The following CACNA2D3 variants were observed in gnomAD, a reference collection of about 807,000 sequenced individuals.
The protein encoded by CACNA2D3 is voltage-dependent calcium channel subunit alpha-2/delta-3.
Under a neutral mutation model 160.6 loss-of-function variants are expected in CACNA2D3, and 60 were observed. That is an observed-to-expected ratio of 0.37 (90% confidence interval 0.30 to 0.46). CACNA2D3 has a LOEUF of 0.46. CACNA2D3 is among the 20% of genes least tolerant of loss of function. The probability of loss-of-function intolerance (pLI) is 1.00; values close to 1 mark genes in which losing one functional copy is unlikely to be tolerated. For missense variants in CACNA2D3, 1,205 were observed against 1,365.0 expected, an observed-to-expected ratio of 0.88 and a Z score of 1.85; for synonymous variants, 558 against 492.9, an observed-to-expected ratio of 1.13 and a Z score of -1.75.
intron 2 of CACNA2D3, among the ~76,000 whole-genome samples, chr3:54,276,990 C>G (rs1051140886): frequency 2.0e-5 from 3 of 152,186 alleles, no homozygotes; most frequent in Admixed American, 2.0e-4. Flanking sequence ...TTGTACATCT[C>G]CAGTTTTCAA....
intron 3 of CACNA2D3, 23 bp from the exon 4 acceptor site, chr3:54,386,692 C>CTTTT: frequency 2.8e-6 from 3 of 1,060,402 alleles, no homozygotes; most frequent in Non-Finnish European, 4.0e-6. Context: ...ATGCTGTCTT[C>CTTTT]TGTTTTTTTT....
At position 54,836,814 on chromosome 3, in the gene CACNA2D3, A is replaced by T. The variant is rs747162730; in HGVS notation, c.1399-345A>T. 2.6e-5 allele frequency among the ~76,000 whole-genome samples: 4 copies of T among 152,334 alleles called. No individual in the cohort carries two copies. In the East Asian group the frequency reaches 5.8e-4, roughly 22 times the overall value. ...TTACGGAGAAGCACTCTTAAGAAAC[A>T]TAAGTGTCTGGGAGGCAAAATAGTA... is the stretch of plus-strand genomic sequence containing the variant. On this transcript the variant is annotated intron_variant, in intron 14 of 37. Coordinates refer to ENST00000474759, the MANE Select transcript of CACNA2D3 (RefSeq NM_018398.3).
At chr3:54,499,224 A>G (rs949383022) in intron 4 of CACNA2D3, among the ~76,000 whole-genome samples, 1 of 152,184 alleles carries the variant, frequency 6.6e-6, no homozygotes, top group Non-Finnish European at 1.5e-5. Flanking sequence ...AGAATTAAGT[A>G]TAATCTCTGT....
intron 8 of CACNA2D3, among the ~76,000 whole-genome samples, chr3:54,579,557 A>G (rs1473288550): frequency 6.6e-6 from 1 of 152,212 alleles, no homozygotes; most frequent in Non-Finnish European, 1.5e-5. Context: ...AGGGCAGCCT[A>G]TGAAAGGTCG....
At chr3:54,605,010 C>G (rs1437679904) in intron 9 of CACNA2D3, among the ~76,000 whole-genome samples, 1 of 152,188 alleles carries the variant, frequency 6.6e-6, no homozygotes, top group Non-Finnish European at 1.5e-5. Flanking sequence ...CAAGCTTCCC[C>G]TGAAACCTGT....
chr3:54,776,507 C>T (rs1433564175), intron 13 of CACNA2D3, among the ~76,000 whole-genome samples: 1 of 151,708 alleles, frequency 6.6e-6, no homozygotes, highest in Admixed American at 6.6e-5. Flanking sequence ...AGAGTGAGAC[C>T]CTGTCTCCAA....
chr3:54,989,923 T>C (rs1404268424), intron 31 of CACNA2D3, among the ~76,000 whole-genome samples: 2 of 152,212 alleles, frequency 1.3e-5, no homozygotes, highest in African/African-American at 4.8e-5. Flanking sequence ...GCCCTTGCCT[T>C]TCCCAGCATG....
At chr3:54,941,420 A>C (rs1369074983) in intron 27 of CACNA2D3, among the ~76,000 whole-genome samples, 1 of 152,132 alleles carries the variant, frequency 6.6e-6, no homozygotes, top group Non-Finnish European at 1.5e-5. Flanking sequence ...GACGGACGCT[A>C]TTTTCAAACT....
intron 2 of CACNA2D3, among the ~76,000 whole-genome samples, chr3:54,217,618 A>T (rs1701484623): frequency 2.6e-5 from 4 of 152,228 alleles, no homozygotes; most frequent in South Asian, 2.1e-4. Flanking sequence ...AGAGGCAGAG[A>T]TCAGAGCGAA....
At chr3:54,562,729 C>T (rs561094130) in intron 5 of CACNA2D3, 71 bp from the exon 6 acceptor site, 21 of 1,348,380 alleles carry the variant, frequency 1.6e-5, no homozygotes, top group East Asian at 9.6e-5. Flanking sequence ...TGCCAAGCAG[C>T]GTGGGATGCC....
At chr3:54,181,025 C>G (rs1700772923) in intron 2 of CACNA2D3, among the ~76,000 whole-genome samples, 1 of 152,224 alleles carries the variant, frequency 6.6e-6, no homozygotes, top group East Asian at 1.9e-4. Context: ...GTTCCTGCCC[C>G]CCACCATATA....
chr3:54,343,523 A>G (rs1698402145), intron 3 of CACNA2D3, among the ~76,000 whole-genome samples: 1 of 151,962 alleles, frequency 6.6e-6, no homozygotes, highest in Admixed American at 6.6e-5. Flanking sequence ...AGCTCAAGCC[A>G]CTCTCCTGCC....
chr3:54,477,415 A>T (rs1700849010), intron 4 of CACNA2D3, among the ~76,000 whole-genome samples: 1 of 152,066 alleles, frequency 6.6e-6, no homozygotes, highest in Non-Finnish European at 1.5e-5. Flanking sequence ...CAGTGTATTT[A>T]AAACTTAACA....
At chr3:55,067,100 GCGGGGGGGGCTTTTCTCCTCT>G (rs1704665448) in intron 35 of CACNA2D3, among the ~76,000 whole-genome samples, 1 of 143,496 alleles carries the variant, frequency 7.0e-6, no homozygotes, top group Non-Finnish European at 1.5e-5. Context: ...ATCTTTTGTA[GCGGGGGGGGCTTTTCTCCTCT>G]CAGTGTAGCT....
chr3:54,276,059 G>A (rs1451744733), intron 2 of CACNA2D3, among the ~76,000 whole-genome samples: 2 of 152,232 alleles, frequency 1.3e-5, no homozygotes, highest in East Asian at 3.9e-4. Flanking sequence ...AATCAGGGTT[G>A]GATTCTTTCT....
intron 2 of CACNA2D3, among the ~76,000 whole-genome samples, chr3:54,145,188 T>G (rs1027430294): frequency 6.6e-6 from 1 of 152,220 alleles, no homozygotes; most frequent in Non-Finnish European, 1.5e-5. Context: ...TCTAATAAAT[T>G]AAGGGTAACA....
chr3:54,816,950 A>G, intron 14 of CACNA2D3, 80 bp downstream of exon 14: 1 of 1,495,478 alleles, frequency 6.7e-7, no homozygotes, highest in South Asian at 1.2e-5. Flanking sequence ...TACATTTGAC[A>G]CTGTTCATGA....
intron 2 of CACNA2D3, among the ~76,000 whole-genome samples, chr3:54,270,006 C>T (rs1295081301): frequency 1.3e-5 from 2 of 152,156 alleles, no homozygotes; most frequent in Non-Finnish European, 2.9e-5. Flanking sequence ...CATTCCTTGG[C>T]TTGTTGTACC....
At chr3:55,020,838 A>G (rs1306264526) in intron 35 of CACNA2D3, among the ~76,000 whole-genome samples, 2 of 151,230 alleles carry the variant, frequency 1.3e-5, no homozygotes, top group Non-Finnish European at 3.0e-5. Flanking sequence ...CAACAGAGCT[A>G]GATTCCGTCT....
Sources: allele counts gnomAD v4.1 joint callset (sites outside exome capture counted in the v4.1 genomes callset), GRCh38; gene constraint gnomAD v4.1.1; transcripts MANE v1.5; gene names NCBI Gene and HGNC (gene_info 2026-07-23, HGNC 2026-07-21).